The following ARNT2 variants were observed in gnomAD, a reference collection of about 807,000 sequenced individuals.
ARNT2 encodes ARNT protein 2.
ARNT2 carries 36 observed loss-of-function variants against 91.7 expected under a neutral mutation model. The ratio of observed to expected loss-of-function variants is 0.39; its 90% CI spans 0.30 to 0.52. The LOEUF is 0.52. Ranked by LOEUF, ARNT2 falls within the 20% of genes least tolerant of loss-of-function variation. The probability of loss-of-function intolerance (pLI) is 0.72; values close to 1 mark genes in which losing one functional copy is unlikely to be tolerated. For synonymous variants in ARNT2, 365 were observed against 347.1 expected (o/e 1.05, Z -0.57); for missense variants, 775 against 939.3 (o/e 0.83, Z 2.29).
intron 8 of ARNT2, among the ~76,000 whole-genome samples, chr15:80,514,668 C>T (rs552727423): frequency 4.6e-5 from 7 of 152,284 alleles, no homozygotes; most frequent in African/African-American, 9.6e-5. Context: ...GGGTGGATCA[C>T]GAGATCAGGA....
intron 5 of ARNT2, among the ~76,000 whole-genome samples, chr15:80,503,490 G>C (rs1166102030): frequency 1.3e-5 from 2 of 152,190 alleles, no homozygotes; most frequent in South Asian, 2.1e-4. Context: ...TCATGGAAGT[G>C]TGTTTTTTCA....
chr15:80,522,421 A>G (rs886953289), intron 8 of ARNT2, among the ~76,000 whole-genome samples: 4 of 152,228 alleles, frequency 2.6e-5, no homozygotes, highest in African/African-American at 7.2e-5. Context: ...ACAGTCTTGC[A>G]TCACTTAATA....
intron 13 of ARNT2, among the ~76,000 whole-genome samples, chr15:80,574,501 T>A (rs146182988): frequency 0.015 from 2,235 of 152,290 alleles, 58 homozygotes; most frequent in South Asian, 0.036. Flanking sequence ...TGAACTGTAG[T>A]ATGAGTATAC....
chr15:80,450,793 G>A (rs1192420787), intron 1 of ARNT2, 87 bp from the exon 2 acceptor site: 2 of 1,317,192 alleles, frequency 1.5e-6, no homozygotes, highest in East Asian at 2.3e-5. Context: ...TGCGCAGGTG[G>A]TGCTTCTGGT....
intron 1 of ARNT2, among the ~76,000 whole-genome samples, chr15:80,415,593 G>A (rs1895767998): frequency 6.6e-6 from 1 of 152,204 alleles, no homozygotes; most frequent in Non-Finnish European, 1.5e-5. Context: ...GAGGAGGGAG[G>A]CCTGCCCGGA....
In ARNT2 at chr15:80,499,810, G is replaced by A. The variant is rs573419253; in HGVS notation, c.623-8346G>A. Among the ~76,000 whole-genome samples the A allele has an allele frequency of 9.8e-5, 15 of 152,296 alleles. No individual in the cohort carries two copies. The Middle Eastern group carries it at 0.01, about 104-fold the overall frequency. ...CGAGGGAGATGGGATCTTGTAAGAA[G>A]ATGGCAGCTCTTTTTTTGACTTTCA... On this transcript the variant is annotated intron_variant, in intron 5 of 18. Transcript: ENST00000303329.
intron 8 of ARNT2, among the ~76,000 whole-genome samples, chr15:80,514,822 G>T (rs1211246946): frequency 2.0e-5 from 3 of 152,126 alleles, no homozygotes; most frequent in Non-Finnish European, 4.4e-5. Context: ...GGAGGCAGAG[G>T]TTGCAGTGAG....
intron 8 of ARNT2, among the ~76,000 whole-genome samples, chr15:80,521,704 G>A (rs1897549565): frequency 6.6e-6 from 1 of 152,032 alleles, no homozygotes. Context: ...CTTCATGCTT[G>A]GAGTAAATAA....
Position 80,404,841 on chromosome 15 carries a change from G to A in ARNT2, c.31+295G>A, listed in dbSNP as rs1286101588. Reference sequence around the variant, plus strand: ...CAGGCCCGGGAGCCCCCGAAGTTCTGAAAATAACCGCCTTTGCCTTCCCCA... The same window carrying A: ...CAGGCCCGGGAGCCCCCGAAGTTCTAAAAATAACCGCCTTTGCCTTCCCCA... On this transcript the variant is annotated intron_variant, in intron 1 of 18. Coordinates refer to ENST00000303329, the MANE Select transcript of ARNT2 (RefSeq NM_014862.4). This position sits in a 1 kb window ranked among gnomAD's most constrained non-coding sequence, Gnocchi z 5.5. Among the ~76,000 whole-genome samples, 1 of 152,196 alleles carries A rather than the reference G, an allele frequency of 6.6e-6. No individual in the cohort carries two copies. Among genetic ancestry groups the A allele is most frequent in the African/African-American group, 2.4e-5 (1 of 41,460 alleles).
At chr15:80,415,995 C>T (rs1221868377) in intron 1 of ARNT2, among the ~76,000 whole-genome samples, 2 of 152,108 alleles carry the variant, frequency 1.3e-5, no homozygotes, top group Non-Finnish European at 2.9e-5. Flanking sequence ...TCCCCCTGCC[C>T]ACTCTCCACT....
At chr15:80,510,458 T>C (rs1456937867) in intron 6 of ARNT2, among the ~76,000 whole-genome samples, 9 of 152,012 alleles carry the variant, frequency 5.9e-5, no homozygotes, top group Non-Finnish European at 2.9e-5. Context: ...AAAAGCTCAA[T>C]ATCACTGATT....
intron 18 of ARNT2, among the ~76,000 whole-genome samples, chr15:80,592,367 G>A (rs190892228): frequency 1.1e-4 from 17 of 152,292 alleles, no homozygotes; most frequent in Admixed American, 2.0e-4. Flanking sequence ...CTACTGGAAG[G>A]CTTCAAATGG....
chr15:80,441,139 C>A, intron 1 of ARNT2: 2 of 849,548 alleles, frequency 2.4e-6, no homozygotes, highest in Non-Finnish European at 2.8e-6. Flanking sequence ...AGAACCTAAG[C>A]AGTTAATGCT....
chr15:80,466,051 AG>A (rs1896647945), intron 3 of ARNT2, among the ~76,000 whole-genome samples: 1 of 152,220 alleles, frequency 6.6e-6, no homozygotes, highest in Non-Finnish European at 1.5e-5. Flanking sequence ...TGCAGTGATC[AG>A]GGAGTTCCCA....
At position 80,515,208 on chromosome 15, in the gene ARNT2, C is replaced by T. The variant is rs535490693; in HGVS notation, c.877+803C>T. ...CACTTGGGAAAACAGTTTGGCAGTT[C>T]CTGAAAATATTAAAAACAGAGTTAC... is the stretch of plus-strand genomic sequence containing the variant. On this transcript the variant is annotated intron_variant, in intron 8 of 18. Transcript: ENST00000303329. Among the ~76,000 whole-genome samples the T allele has an allele frequency of 7.2e-5, 11 of 152,242 alleles. No homozygotes were observed. In the East Asian group the frequency reaches 2.1e-3, roughly 29 times the overall value.
chr15:80,559,327 ACCCAGC>A (rs1021355777), intron 11 of ARNT2, among the ~76,000 whole-genome samples: 13,149 of 151,254 alleles, frequency 0.087, 715 homozygotes, highest in Middle Eastern at 0.15. Context: ...CCAGCCCCAG[ACCCAGC>A]CCCAGCCCCA....
rs143942949 is a variant in ARNT2, at chr15:80,476,804, C to T, written c.622+1581C>T. ...GCTGCTATAACAAAATACAATAAACCGAATAGCTTTTATGTAACAGAAATT... is the reference window on the plus strand; with the variant it reads ...GCTGCTATAACAAAATACAATAAACTGAATAGCTTTTATGTAACAGAAATT... On this transcript the variant is annotated intron_variant, in intron 5 of 18. Coordinates refer to ENST00000303329, the MANE Select transcript of ARNT2 (RefSeq NM_014862.4). Among the ~76,000 whole-genome samples the T allele has an allele frequency of 1.9e-3, 292 of 152,220 alleles. 2 individuals are homozygous for T. In the South Asian group the frequency reaches 0.025, roughly 13 times the overall value.
chr15:80,543,061 C>T (rs1327317376), intron 8 of ARNT2, among the ~76,000 whole-genome samples: 1 of 140,412 alleles, frequency 7.1e-6, no homozygotes. Context: ...CGCGCCACTG[C>T]ACTCCAGCCT....
chr15:80,434,722 TG>T (rs1896061645), intron 1 of ARNT2, among the ~76,000 whole-genome samples: 1 of 146,846 alleles, frequency 6.8e-6, no homozygotes, highest in Non-Finnish European at 1.5e-5. Flanking sequence ...GGAGAGGGAG[TG>T]GGGAGCAGAG....
Sources: gnomAD v4.1 joint callset for allele counts (sites outside exome capture counted in the v4.1 genomes callset) on GRCh38, gnomAD v4.1.1 for gene constraint, Gnocchi (gnomAD v3.1) non-coding constraint, MANE v1.5 for transcripts, NCBI Gene and HGNC (gene_info 2026-07-23, HGNC 2026-07-21) for gene names.